PRPF6: variants seen among roughly 807,000 people sequenced by gnomAD.
The protein encoded by PRPF6 is pre-mRNA processing factor 6, also known as pre-mRNA-processing factor 6.
In PRPF6, 42 loss-of-function variants were observed where a neutral mutation model predicts 118.3. The observed-to-expected ratio is 0.35, with a 90% CI of 0.28 to 0.46. PRPF6 has a LOEUF of 0.46. PRPF6 is among the 20% of genes least tolerant of loss of function. PRPF6 has a pLI of 1.00. For synonymous variants in PRPF6, 481 were observed against 485.1 expected (o/e 0.99, Z 0.11); for missense variants, 662 against 1,255.7 (o/e 0.53, Z 7.15).
chr20:63,993,966 T>A (rs1460266969), intron 4 of PRPF6, among the ~76,000 whole-genome samples: 1 of 151,908 alleles, frequency 6.6e-6, no homozygotes. Context: ...ACCAGGCTGG[T>A]CTCAAACTCC....
At chr20:63,993,522 A>G in intron 4 of PRPF6, 37 bp downstream of exon 4, 1 of 1,544,146 alleles carries the variant, frequency 6.5e-7, no homozygotes, top group South Asian at 1.1e-5. Flanking sequence ...TGCGGTTTCT[A>G]ACGCTCTCAC....
chr20:63,986,102 G>A (rs1478426698), intron 3 of PRPF6, among the ~76,000 whole-genome samples: 1 of 152,104 alleles, frequency 6.6e-6, no homozygotes, highest in Non-Finnish European at 1.5e-5. Context: ...GGGAGGCCGA[G>A]GTGGGCGGAT....
Position 63,995,378 on chromosome 20 carries a change from C to T in PRPF6, c.667C>T (p.Pro223Ser). ...TCCAGGTGGACTAAACACTCCATAC[C>T]CAGGTGGAATGACGCCAGGACTGAT... Reference protein sequence around the residue: ...PYPGGLNTPYPGGMTPGLMTP... With the variant: ...PYPGGLNTPYSGGMTPGLMTP... Residue 223 changes from proline (P) to serine (S), a missense_variant, in exon 6 of 21, where the codon CCA becomes TCA. Around this residue, in one of 10 missense-constraint regions of PRPF6, gnomAD observed 97 missense variants for 122.6 expected, o/e 0.79. Transcript: ENST00000266079. 6.2e-7 allele frequency: 1 copy of T among 1,614,070 alleles called. No individual in the cohort carries two copies. The highest frequency in any genetic ancestry group is 8.5e-7 in the Non-Finnish European group (1 of 1,180,008).
At chr20:63,991,688 G>T (rs1285960728) in intron 3 of PRPF6, among the ~76,000 whole-genome samples, 4 of 151,986 alleles carry the variant, frequency 2.6e-5, no homozygotes, top group African/African-American at 9.7e-5. Flanking sequence ...TACTCAGGAG[G>T]CTGAGGCACG....
At chr20:64,022,489 G>A (rs1202594151) in intron 12 of PRPF6, among the ~76,000 whole-genome samples, 2 of 152,178 alleles carry the variant, frequency 1.3e-5, no homozygotes, top group Non-Finnish European at 2.9e-5. Flanking sequence ...TGTATTTTTA[G>A]TAGAGATAGG....
intron 3 of PRPF6, among the ~76,000 whole-genome samples, chr20:63,991,273 A>T (rs2059117396): frequency 6.6e-6 from 1 of 151,846 alleles, no homozygotes; most frequent in Admixed American, 6.6e-5. Context: ...AAACAAAATT[A>T]AAATTAGCCA....
chr20:64,015,490 C>T (rs745792573), intron 11 of PRPF6, among the ~76,000 whole-genome samples: 3 of 152,220 alleles, frequency 2.0e-5, no homozygotes, highest in Admixed American at 6.5e-5. Context: ...ACTTTGCTCA[C>T]GGTCCATGTC....
intron 13 of PRPF6, 123 bp downstream of exon 13, chr20:64,023,001 T>C (rs909822715): frequency 2.7e-6 from 4 of 1,472,866 alleles, no homozygotes; most frequent in Non-Finnish European, 2.8e-6. Flanking sequence ...GGTCTGGCCC[T>C]CTGGTTGTGA....
intron 3 of PRPF6, among the ~76,000 whole-genome samples, chr20:63,990,991 G>T (rs982413866): frequency 6.6e-6 from 1 of 151,866 alleles, no homozygotes; most frequent in Non-Finnish European, 1.5e-5. Flanking sequence ...GCCCAGGCTG[G>T]TCTTGAACTC....
In PRPF6 at chr20:64,026,162, A is replaced by T. The variant is rs2059289508; in HGVS notation, c.2028+104A>T. ...GATGGGAGTGAGATGACGGCAGGCA[A>T]ACGAGACCACAGCACACTCATCTTT... On this transcript the variant is annotated intron_variant, in intron 15 of 20. Coordinates refer to ENST00000266079, the MANE Select transcript of PRPF6 (RefSeq NM_012469.4). This position sits in a 1 kb window ranked among gnomAD's most constrained non-coding sequence, Gnocchi z 4.4. 6.4e-7 allele frequency: 1 copy of T among 1,551,206 alleles called. No homozygotes were observed. The highest frequency in any genetic ancestry group is 8.7e-7 in the Non-Finnish European group (1 of 1,149,538).
chr20:64,000,673 A>G (rs1232747947), intron 8 of PRPF6, among the ~76,000 whole-genome samples: 1 of 151,600 alleles, frequency 6.6e-6, no homozygotes, highest in Non-Finnish European at 1.5e-5. Context: ...GGTTCAAGCA[A>G]TTCTCCTGCC....
chr20:63,995,988 A>G (rs2059139619), intron 6 of PRPF6, among the ~76,000 whole-genome samples: 2 of 152,050 alleles, frequency 1.3e-5, no homozygotes. Flanking sequence ...TAATTTTTTA[A>G]AAAGTGTGTT....
intron 4 of PRPF6, 137 bp downstream of exon 4, chr20:63,993,622 G>A (rs1243495476): frequency 1.4e-6 from 1 of 735,822 alleles, no homozygotes; most frequent in Non-Finnish European, 2.4e-6. Context: ...GAAGAAGAAA[G>A]TGTTTGCTTC....
At chr20:64,032,506 TC>T (rs2059319579) in intron 20 of PRPF6, among the ~76,000 whole-genome samples, 1 of 152,090 alleles carries the variant, frequency 6.6e-6, no homozygotes, top group African/African-American at 2.4e-5. Flanking sequence ...GTCCTGGTCC[TC>T]CCTGGAAAGT....
At chr20:63,995,184 A>T (rs1282869127) in intron 5 of PRPF6, 92 bp downstream of exon 5, 3 of 1,595,046 alleles carry the variant, frequency 1.9e-6, no homozygotes, top group Non-Finnish European at 2.6e-6. Context: ...ATGCTTCTGC[A>T]GGTCATGGCT....
At chr20:64,007,942 A>G (rs1295460417) in intron 9 of PRPF6, among the ~76,000 whole-genome samples, 2 of 152,024 alleles carry the variant, frequency 1.3e-5, no homozygotes, top group African/African-American at 4.8e-5. Flanking sequence ...ATACCTGGCT[A>G]ATTTTTGTAT....
chr20:63,982,871 T>C (rs530119748), intron 1 of PRPF6, among the ~76,000 whole-genome samples, 176 bp from the exon 2 acceptor site: 1 of 152,174 alleles, frequency 6.6e-6, no homozygotes, highest in African/African-American at 2.4e-5. Context: ...GGCTGAAACT[T>C]TCAGGTAAGC....
At chr20:63,998,933 TCTC>T (rs1400724298) in intron 6 of PRPF6, 109 bp from the exon 7 acceptor site, 3 of 714,100 alleles carry the variant, frequency 4.2e-6, no homozygotes, top group Non-Finnish European at 5.1e-6. Context: ...CTGTTTTCCT[TCTC>T]CTTCTGACTG....
chr20:64,029,059 C>T lies in PRPF6; in HGVS notation c.2432-318C>T, dbSNP rs547021979. On this transcript the variant is annotated intron_variant, in intron 18 of 20. Transcript: ENST00000266079. The surrounding 1 kb of genome is among the most constrained non-coding windows in gnomAD (Gnocchi z 4.8). ...GCGGGCGCCTGTAATCCCAGCTACT[C>T]GGGAGGCTGAGGCAGGAGAATTGCT... 2.0e-5 allele frequency among the ~76,000 whole-genome samples: 3 copies of T among 152,136 alleles called. No homozygotes were observed. Among genetic ancestry groups the T allele is most frequent in the South Asian group, 2.1e-4 (1 of 4,812 alleles).
Sources: gnomAD v4.1 joint callset for allele counts (sites outside exome capture counted in the v4.1 genomes callset) on GRCh38, gnomAD v4.1.1 for gene constraint, gnomAD v4.1.1 regional missense constraint, Gnocchi (gnomAD v3.1) non-coding constraint, MANE v1.5 for transcripts, NCBI Gene and HGNC (gene_info 2026-07-23, HGNC 2026-07-21) for gene names.